The following AXDND1 variants were observed in gnomAD, a reference collection of about 807,000 sequenced individuals.
The protein encoded by AXDND1 is axonemal dynein light chain domain containing 1.
AXDND1 carries 110 observed loss-of-function variants against 137.5 expected under a neutral mutation model. That is an observed-to-expected ratio of 0.80 (90% CI 0.69 to 0.94). The LOEUF is 0.94. Among genes scored for constraint, AXDND1 ranks in the 40% least tolerant of loss-of-function variants. The pLI, the probability that AXDND1 is intolerant of heterozygous loss-of-function variation, is 0.00. For synonymous variants in AXDND1, 414 were observed against 399.7 expected (o/e 1.04, Z -0.43); for missense variants, 1,191 against 1,169.8 (o/e 1.02, Z -0.26).
intron 12 of AXDND1, among the ~76,000 whole-genome samples, chr1:179,414,267 T>C (rs1272488589): frequency 6.6e-6 from 1 of 151,944 alleles, no homozygotes; most frequent in East Asian, 1.9e-4. Flanking sequence ...ATAAATTTAA[T>C]AAGAAGGGAT....
chr1:179,507,874 G>A (rs1357554567), intron 20 of AXDND1, among the ~76,000 whole-genome samples: 2 of 151,958 alleles, frequency 1.3e-5, no homozygotes, highest in East Asian at 3.9e-4. Context: ...CATCTGCCTT[G>A]TCCACTCTTC....
intron 21 of AXDND1, among the ~76,000 whole-genome samples, chr1:179,522,346 ATCTT>A (rs777457138): frequency 2.3e-4 from 35 of 152,102 alleles, no homozygotes; most frequent in Non-Finnish European, 4.9e-4. Context: ...CATTTTTGTA[ATCTT>A]TCTGTCTTTG....
chr1:179,383,250 G>C (rs1648670133), intron 7 of AXDND1, among the ~76,000 whole-genome samples, 192 bp from the exon 8 acceptor site: 1 of 152,004 alleles, frequency 6.6e-6, no homozygotes. Context: ...CATACTATTT[G>C]CATTTTTCTT....
intron 20 of AXDND1, among the ~76,000 whole-genome samples, chr1:179,504,749 G>C (rs1335999276): frequency 6.6e-6 from 1 of 152,118 alleles, no homozygotes; most frequent in East Asian, 1.9e-4. Context: ...GTGCTACTTT[G>C]GTCCTCTGTT....
intron 11 of AXDND1, among the ~76,000 whole-genome samples, chr1:179,402,720 C>T (rs889820166): frequency 6.6e-6 from 1 of 152,196 alleles, no homozygotes; most frequent in Non-Finnish European, 1.5e-5. Flanking sequence ...ACTACACCTT[C>T]CCTTCCTGCT....
chr1:179,373,925 T>C (rs1668307030), intron 4 of AXDND1, among the ~76,000 whole-genome samples: 1 of 152,132 alleles, frequency 6.6e-6, no homozygotes, highest in East Asian at 1.9e-4. Flanking sequence ...GGGCAAGGAC[T>C]TCATGTCTAA....
Position 179,483,184 on chromosome 1 carries a change from A to G in AXDND1, c.2054A>G (p.Asn685Ser), listed in dbSNP as rs746716732. 52 of 1,611,076 alleles carry G rather than the reference A, an allele frequency of 3.2e-5. No individual in the cohort carries two copies. The highest frequency in any genetic ancestry group is 4.1e-5 in the Non-Finnish European group (48 of 1,178,430). Residue 685 changes from asparagine to serine, a missense_variant, in exon 18 of 26, where the codon AAT becomes AGT. Physicochemically the swap from Asn to Ser is conservative, Grantham distance 46 (BLOSUM62 1). Transcript: ENST00000367618. ...MIQQWLLKIG[N>S]EINNGNIELQ... The stretch of plus-strand genomic sequence containing the variant: ...CAACAATGGCTTTTGAAGATAGGCA[A>G]TGAAATTAACAACGGTAACATTGAA...
At chr1:179,495,186 C>A (rs560210273) in intron 20 of AXDND1, among the ~76,000 whole-genome samples, 20 of 151,912 alleles carry the variant, frequency 1.3e-4, no homozygotes, top group South Asian at 8.3e-4. Context: ...TATTCTAGGT[C>A]CTTTGCTTTC....
At chr1:179,475,627 T>G (rs1357342511) in intron 17 of AXDND1, among the ~76,000 whole-genome samples, 1 of 152,058 alleles carries the variant, frequency 6.6e-6, no homozygotes, top group African/African-American at 2.4e-5. Flanking sequence ...GAATTAACTG[T>G]TTTTTTTATT....
At position 179,501,150 on chromosome 1, in the gene AXDND1, G is replaced by GT. The variant is rs986658106; in HGVS notation, c.2389-8137dup. Among the ~76,000 whole-genome samples the GT allele has an allele frequency of 1.1e-4, 16 of 151,076 alleles. No individual in the cohort carries two copies. The South Asian group carries it at 1.3e-3, about 12-fold the overall frequency. On this transcript the variant is annotated intron_variant, in intron 20 of 25. Coordinates refer to ENST00000367618, the MANE Select transcript of AXDND1 (RefSeq NM_144696.6). Reference sequence around the variant, plus strand: ...AGGTGTCACAATCAAGTTTCCAACAGTTTTTTTTTCAACTTGACAAACTGT... The same window carrying GT: ...AGGTGTCACAATCAAGTTTCCAACAGTTTTTTTTTTCAACTTGACAAACTGT...
intron 16 of AXDND1, chr1:179,448,833 T>G (rs1660100709): frequency 6.2e-6 from 1 of 162,316 alleles, no homozygotes; most frequent in African/African-American, 2.4e-5. Context: ...CGTTTAGTTC[T>G]TCTAAGAGTT....
chr1:179,382,240 G>A (rs968776396), intron 6 of AXDND1, among the ~76,000 whole-genome samples: 3 of 136,180 alleles, frequency 2.2e-5, no homozygotes, highest in African/African-American at 5.4e-5. Flanking sequence ...CACCATGCCC[G>A]GCTAATTCTT....
At chr1:179,522,393 G>A (rs1670147937) in intron 21 of AXDND1, among the ~76,000 whole-genome samples, 1 of 151,886 alleles carries the variant, frequency 6.6e-6, no homozygotes, top group African/African-American at 2.4e-5. Flanking sequence ...TCTTTAAATA[G>A]GTTAAGTATA....
In AXDND1 at chr1:179,382,553, G is replaced by C. The variant is rs1648549238; in HGVS notation, c.582-147G>C. ...TTTTCCAACTCCAGCCCTGGAATGGGTGGTGAGTCACTTCTCCAAGCAGTA... is the reference window on the plus strand; with the variant it reads ...TTTTCCAACTCCAGCCCTGGAATGGCTGGTGAGTCACTTCTCCAAGCAGTA... On this transcript the variant is annotated intron_variant, in intron 6 of 25. Coordinates refer to ENST00000367618, the MANE Select transcript of AXDND1 (RefSeq NM_144696.6). 3.4e-5 allele frequency: 18 copies of C among 527,102 alleles called. 1 individual carries two copies. In the South Asian group the frequency reaches 5.6e-4, roughly 16 times the overall value. The allele number at this position is 527,102 out of a possible 1,614,324, so 32.7% of individuals were successfully genotyped here. A position where few individuals can be genotyped will look rare whatever the true frequency, so the allele number is the denominator to read the frequency against.
At chr1:179,435,309 C>T (rs1657987372) in intron 15 of AXDND1, among the ~76,000 whole-genome samples, 1 of 152,136 alleles carries the variant, frequency 6.6e-6, no homozygotes, top group Admixed American at 6.6e-5. Flanking sequence ...ATCAAGTTAG[C>T]ATTGACATTC....
rs751211046 is a variant in AXDND1, at chr1:179,528,314, T to C, written c.2611-13T>C. The C allele has an allele frequency of 6.3e-7, 1 of 1,599,168 alleles. No homozygotes were observed. Among genetic ancestry groups the C allele is most frequent in the South Asian group, 1.1e-5 (1 of 90,562 alleles). On this transcript the variant is annotated splice_polypyrimidine_tract_variant and intron_variant, in intron 22 of 25. Transcript: ENST00000367618. ...CCAGCTTGCTAACAGGTCCGCATGTTTCTGTGTTCTAGCAACCTTCAACAT... is the reference window on the plus strand; with the variant it reads ...CCAGCTTGCTAACAGGTCCGCATGTCTCTGTGTTCTAGCAACCTTCAACAT...
chr1:179,431,564 T>G (rs1485642008), intron 14 of AXDND1, among the ~76,000 whole-genome samples: 1 of 151,568 alleles, frequency 6.6e-6, no homozygotes, highest in Non-Finnish European at 1.5e-5. Context: ...TCTAAGGTTT[T>G]TTTTTTTTTT....
chr1:179,533,734 A>AG, intron 23 of AXDND1, 61 bp from the exon 24 acceptor site: 1 of 1,328,368 alleles, frequency 7.5e-7, no homozygotes, highest in Non-Finnish European at 1.1e-6. Context: ...ACATCCTAAA[A>AG]AAGTAGAATA....
chr1:179,538,405 T>C (rs1671768216), intron 25 of AXDND1, among the ~76,000 whole-genome samples: 1 of 152,226 alleles, frequency 6.6e-6, no homozygotes, highest in Non-Finnish European at 1.5e-5. Context: ...TCATTCTCAT[T>C]GGCTTCAAAG....
Sources: allele counts gnomAD v4.1 joint callset (sites outside exome capture counted in the v4.1 genomes callset), GRCh38; gene constraint gnomAD v4.1.1; transcripts MANE v1.5; gene names NCBI Gene and HGNC (gene_info 2026-07-23, HGNC 2026-07-21).